The following PRUNE2 variants were observed in gnomAD, a reference collection of about 807,000 sequenced individuals.
The protein encoded by PRUNE2 is protein prune homolog 2.
A neutral mutation model predicts 252.0 loss-of-function variants in PRUNE2; 164 were observed. The ratio of observed to expected loss-of-function variants is 0.65; its 90% CI spans 0.57 to 0.74. The LOEUF (loss-of-function observed/expected upper bound fraction) is 0.74. Ranked by LOEUF, PRUNE2 falls within the 30% of genes least tolerant of loss-of-function variation. PRUNE2 has a pLI of 0.00. For synonymous variants in PRUNE2, 1,292 were observed against 1,350.2 expected (o/e 0.96, Z 0.94); for missense variants, 3,495 against 3,711.0 (o/e 0.94, Z 1.51).
At chr9:76,676,771 C>T (rs922826166) in intron 9 of PRUNE2, among the ~76,000 whole-genome samples, 2 of 152,178 alleles carry the variant, frequency 1.3e-5, no homozygotes, top group African/African-American at 2.4e-5. Context: ...AGCAATATTA[C>T]GATGTCACAT....
At chr9:76,881,355 G>A (rs183318871) in intron 1 of PRUNE2, among the ~76,000 whole-genome samples, 28 of 152,160 alleles carry the variant, frequency 1.8e-4, no homozygotes, top group African/African-American at 6.7e-4. Context: ...TGCCATGCAT[G>A]GGGTTGTTTA....
intron 6 of PRUNE2, among the ~76,000 whole-genome samples, chr9:76,724,152 A>G (rs1381597898): frequency 1.3e-5 from 2 of 149,346 alleles, no homozygotes; most frequent in Non-Finnish European, 3.0e-5. Flanking sequence ...ATCTGAAAGC[A>G]CAGGTTAAGA....
At chr9:76,895,154 A>G (rs538383335) in intron 1 of PRUNE2, among the ~76,000 whole-genome samples, 4 of 152,324 alleles carry the variant, frequency 2.6e-5, no homozygotes, top group Admixed American at 6.5e-5. Context: ...AAACTCTTCC[A>G]TAAGAACCTT....
intron 3 of PRUNE2, among the ~76,000 whole-genome samples, chr9:76,847,533 C>T (rs1419624624): frequency 6.6e-6 from 1 of 152,010 alleles, no homozygotes; most frequent in Non-Finnish European, 1.5e-5. Context: ...AGTGAGTAGA[C>T]TAGCTGGTAG....
At chr9:76,766,057 C>T (rs572260988) in intron 6 of PRUNE2, among the ~76,000 whole-genome samples, 19 of 151,920 alleles carry the variant, frequency 1.3e-4, no homozygotes, top group African/African-American at 3.9e-4. Context: ...GTGGCAGGCA[C>T]CTGTAGTCCC....
At chr9:76,686,009 G>A (rs1048335422) in intron 9 of PRUNE2, among the ~76,000 whole-genome samples, 6 of 152,184 alleles carry the variant, frequency 3.9e-5, no homozygotes, top group Non-Finnish European at 7.3e-5. Context: ...CTGCTGCACA[G>A]TATAATCACA....
chr9:76,612,778 CAG>C lies in PRUNE2; in HGVS notation c.*1790_*1791del, dbSNP rs752798525. ...GCACGTGCGGAAGGACGGGAGGAGA[CAG>C]AGGTGAAGCAATGAGGTCAGAGAAA... is the stretch of plus-strand genomic sequence containing the variant. On this transcript the variant is annotated 3_prime_UTR_variant, in exon 19 of 19. Coordinates refer to ENST00000376718, the MANE Select transcript of PRUNE2 (RefSeq NM_015225.3). The C allele has an allele frequency of 2.6e-5, 4 of 152,308 alleles. No individual in the cohort carries two copies. Among genetic ancestry groups the C allele is most frequent in the South Asian group, 2.1e-4 (1 of 4,822 alleles). The allele number at this position is 152,308 out of a possible 1,614,324, so 9.4% of individuals were successfully genotyped here.
At chr9:76,854,316 G>A (rs2060124130) in intron 1 of PRUNE2, 108 bp from the exon 2 acceptor site, 1 of 490,782 alleles carries the variant, frequency 2.0e-6, no homozygotes, top group Non-Finnish European at 3.6e-6. Context: ...ATACACAATG[G>A]CAGAGAATCA....
intron 8 of PRUNE2, 111 bp downstream of exon 8, chr9:76,704,650 T>C (rs990455939): frequency 8.0e-6 from 6 of 745,514 alleles, no homozygotes; most frequent in Non-Finnish European, 1.3e-5. Flanking sequence ...CTTGAAAATG[T>C]AGTTAGTTTT....
rs371789833 is a variant in PRUNE2 at position 76,703,389 on chromosome 9, C to T, written c.8224G>A (p.Glu2742Lys). 6.2e-7 allele frequency: 1 copy of T among 1,612,288 alleles called. No homozygotes were observed. Among genetic ancestry groups the T allele is most frequent in the African/African-American group, 1.3e-5 (1 of 74,882 alleles). ...QKNMIPDTEM[E>K]EETEFLELGT... is the part of the protein sequence containing the mutation. ...AGCTCAAGGAACTCTGTCTCCTCCT[C>T]CATTTCCGTGTCAGGGATCATGTTT... Residue 2742 changes from glutamate (E) to lysine (K), a missense_variant, in exon 9 of 19, where the codon GAG becomes AAG. Physicochemically the swap from Glu to Lys is moderately conservative, Grantham distance 56 (BLOSUM62 1). Transcript: ENST00000376718.
At chr9:76,833,543 A>C (rs1238320845) in intron 4 of PRUNE2, among the ~76,000 whole-genome samples, 2 of 152,076 alleles carry the variant, frequency 1.3e-5, no homozygotes, top group East Asian at 1.9e-4. Context: ...AGGTGGGCGG[A>C]TCACGAAGTC....
At position 76,705,245 on chromosome 9, in the gene PRUNE2, G is replaced by A; in HGVS notation, c.7029C>T (p.Cys2343=). 1 of 1,614,018 alleles carries A rather than the reference G, an allele frequency of 6.2e-7. No homozygotes were observed. Among genetic ancestry groups the A allele is most frequent in the Non-Finnish European group, 8.5e-7 (1 of 1,179,880 alleles). ...VDGDLGKQDI[C]SSEASWGDFE... The stretch of plus-strand genomic sequence containing the variant: ...AATCACCCCACGAGGCTTCAGATGA[G>A]CAGATATCTTGCTTCCCTAGGTCCC... The change falls in exon 8 of 19, where the codon TGC becomes TGT. Residue 2343 remains cysteine, a synonymous_variant. Transcript: ENST00000376718.
At chr9:76,857,165 C>T (rs1489835307) in intron 1 of PRUNE2, 6 of 455,674 alleles carry the variant, frequency 1.3e-5, no homozygotes, top group Non-Finnish European at 2.2e-5. Flanking sequence ...CCATATTTGC[C>T]ATCCCCAGCG....
At chr9:76,779,453 T>C (rs12350478) in intron 6 of PRUNE2, among the ~76,000 whole-genome samples, 7,917 of 152,266 alleles carry the variant, frequency 0.052, 637 homozygotes, top group African/African-American at 0.17. Flanking sequence ...ATCTTTCTTA[T>C]GGGATGCACT....
intron 15 of PRUNE2, among the ~76,000 whole-genome samples, chr9:76,634,477 C>CAGCCAATCAAAGCAGCTG (rs142908175): frequency 0.055 from 8,421 of 152,216 alleles, 328 homozygotes; most frequent in Admixed American, 0.11. Context: ...AGCTGAGTCT[C>CAGCCAATCAAAGCAGCTG]AGCCAATCAA....
chr9:76,798,067 A>G (rs1378929679), intron 6 of PRUNE2, among the ~76,000 whole-genome samples: 1 of 152,198 alleles, frequency 6.6e-6, no homozygotes, highest in African/African-American at 2.4e-5. Context: ...TTAAAGCAAC[A>G]TGGAACTGAA....
At chr9:76,779,644 T>C (rs2054161607) in intron 6 of PRUNE2, 1 of 152,222 alleles carries the variant, frequency 6.6e-6, no homozygotes. Context: ...TCTGAAACAT[T>C]GTCCCTGGTG....
intron 9 of PRUNE2, among the ~76,000 whole-genome samples, chr9:76,684,272 C>G (rs1230403131): frequency 6.6e-6 from 1 of 152,118 alleles, no homozygotes. Flanking sequence ...TGGCAACCAC[C>G]ATTCTACTCT....
intron 6 of PRUNE2, chr9:76,737,418 G>C (rs767806012): frequency 1.3e-5 from 2 of 152,222 alleles, no homozygotes; most frequent in South Asian, 4.1e-4. Context: ...GCACATATAG[G>C]TGTGGAGTGC....
Sources: gnomAD v4.1 joint callset for allele counts (sites outside exome capture counted in the v4.1 genomes callset) on GRCh38, gnomAD v4.1.1 for gene constraint, MANE v1.5 for transcripts, NCBI Gene and HGNC (gene_info 2026-07-23, HGNC 2026-07-21) for gene names.